Variants in ATP9B observed in about 807,000 individuals in gnomAD.
The protein encoded by ATP9B is ATPase phospholipid transporting 9B, also known as probable phospholipid-transporting ATPase IIB.
A neutral mutation model predicts 146.1 loss-of-function variants in ATP9B; 110 were observed. The ratio of observed to expected loss-of-function variants is 0.75; its 90% CI spans 0.65 to 0.88. ATP9B has a LOEUF of 0.88. ATP9B is among the 40% of genes least tolerant of loss of function. ATP9B has a pLI of 0.00. For synonymous variants in ATP9B, 604 were observed against 569.7 expected, an observed-to-expected ratio of 1.06 and a Z score of -0.86; for missense variants, 1,499 against 1,496.4, an observed-to-expected ratio of 1.00 and a Z score of -0.03.
chr18:79,272,047 G>A (rs2096261369), intron 12 of ATP9B, among the ~76,000 whole-genome samples: 1 of 152,214 alleles, frequency 6.6e-6, no homozygotes, highest in African/African-American at 2.4e-5. Context: ...CTTTTGAGAA[G>A]TGCTTGTTCA....
intron 5 of ATP9B, among the ~76,000 whole-genome samples, chr18:79,136,850 G>A (rs1378280275): frequency 6.6e-6 from 1 of 152,206 alleles, no homozygotes; most frequent in African/African-American, 2.4e-5. Flanking sequence ...TACAACCATG[G>A]AGGAAGGAGA....
chr18:79,151,439 G>A lies in ATP9B; in HGVS notation c.727-3065G>A, dbSNP rs577435280. ...TAGTGTGGTTTTTATCTGTTTTCCTGTCGATGGGTTTTTAGGTTACATCTA... is the reference window on the plus strand; with the variant it reads ...TAGTGTGGTTTTTATCTGTTTTCCTATCGATGGGTTTTTAGGTTACATCTA... On this transcript the variant is annotated intron_variant, in intron 6 of 29. Coordinates refer to ENST00000426216, the MANE Select transcript of ATP9B (RefSeq NM_198531.5). Among the ~76,000 whole-genome samples the A allele has an allele frequency of 2.0e-5, 3 of 152,222 alleles. No homozygotes were observed. The East Asian group carries it at 5.8e-4, about 29-fold the overall frequency.
At chr18:79,355,691 A>G (rs1432149525) in intron 25 of ATP9B, among the ~76,000 whole-genome samples, 1 of 152,356 alleles carries the variant, frequency 6.6e-6, no homozygotes, top group East Asian at 1.9e-4. Flanking sequence ...GAGAAGAGAC[A>G]GGGCAGGGCT....
At chr18:79,139,767 T>C (rs1438164232) in intron 5 of ATP9B, among the ~76,000 whole-genome samples, 2 of 152,194 alleles carry the variant, frequency 1.3e-5, no homozygotes, top group Non-Finnish European at 2.9e-5. Flanking sequence ...TATTGTCTTA[T>C]TCATTCTTTC....
intron 1 of ATP9B, among the ~76,000 whole-genome samples, chr18:79,093,580 A>T (rs983102530): frequency 6.6e-6 from 1 of 152,144 alleles, no homozygotes; most frequent in South Asian, 2.1e-4. Context: ...AATTACTTTC[A>T]GCAAATTTGG....
intron 19 of ATP9B, among the ~76,000 whole-genome samples, chr18:79,338,113 A>T (rs1482113273): frequency 6.6e-6 from 1 of 152,228 alleles, no homozygotes; most frequent in African/African-American, 2.4e-5. Context: ...GTTAGAGTTG[A>T]GAATATAGAA....
At chr18:79,152,611 G>T (rs2094707821) in intron 6 of ATP9B, among the ~76,000 whole-genome samples, 1 of 152,126 alleles carries the variant, frequency 6.6e-6, no homozygotes, top group Non-Finnish European at 1.5e-5. Flanking sequence ...TGTCATGTTT[G>T]ATGAATGACG....
intron 12 of ATP9B, among the ~76,000 whole-genome samples, chr18:79,259,732 C>T (rs1342339581): frequency 6.6e-6 from 1 of 152,218 alleles, no homozygotes; most frequent in Non-Finnish European, 1.5e-5. Context: ...TCAGGCAGCA[C>T]AGGCACAGCA....
intron 11 of ATP9B, among the ~76,000 whole-genome samples, chr18:79,249,926 A>T (rs1334563153): frequency 6.6e-6 from 1 of 152,352 alleles, no homozygotes; most frequent in East Asian, 1.9e-4. Flanking sequence ...AACAACAGTC[A>T]TAGTTCAGAA....
At chr18:79,217,502 T>C (rs2095638931) in intron 11 of ATP9B, among the ~76,000 whole-genome samples, 1 of 152,222 alleles carries the variant, frequency 6.6e-6, no homozygotes, top group Admixed American at 6.5e-5. Flanking sequence ...TATTTAAACA[T>C]CCAATTAAGA....
At position 79,161,716 on chromosome 18, in the gene ATP9B, GGC is replaced by G. The variant is rs138165505; in HGVS notation, c.778+7164_778+7165del. On this transcript the variant is annotated intron_variant, in intron 7 of 29. Transcript: ENST00000426216. ...CAAAAAATTTGCCGGCGTGGTGGCG[GGC>G]GCCTATAGTCCCAGGTACTTGGGAG... 6.4e-3 allele frequency among the ~76,000 whole-genome samples: 977 copies of G among 152,192 alleles called. 11 individuals carry two copies. Among genetic ancestry groups the G allele is most frequent in the African/African-American group, 0.023 (937 of 41,506 alleles).
intron 18 of ATP9B, 59 bp downstream of exon 18, chr18:79,336,770 T>G (rs1207324660): frequency 1.3e-6 from 2 of 1,525,836 alleles, no homozygotes; most frequent in South Asian, 1.2e-5. Context: ...ACGCTGAAAT[T>G]AGTTCTTCCT....
intron 8 of ATP9B, among the ~76,000 whole-genome samples, chr18:79,179,018 G>T (rs938935990): frequency 3.3e-5 from 5 of 152,300 alleles, no homozygotes; most frequent in Admixed American, 2.6e-4. Flanking sequence ...ACACTTGATT[G>T]TGAATTGAAT....
chr18:79,208,309 T>G (rs1350914666), intron 10 of ATP9B, among the ~76,000 whole-genome samples: 1 of 152,128 alleles, frequency 6.6e-6, no homozygotes, highest in Non-Finnish European at 1.5e-5. Context: ...GAAGAAACAT[T>G]TAACTTGGAT....
At chr18:79,161,874 A>T (rs1236476244) in intron 7 of ATP9B, among the ~76,000 whole-genome samples, 1 of 152,222 alleles carries the variant, frequency 6.6e-6, no homozygotes, top group East Asian at 1.9e-4. Context: ...TTGTTTTTTC[A>T]TGCTATTTTT....
intron 26 of ATP9B, chr18:79,372,325 T>G: frequency 3.6e-6 from 1 of 275,348 alleles, no homozygotes; most frequent in South Asian, 3.6e-5. Flanking sequence ...CATGGGGTTA[T>G]GTATGTGACA....
intron 10 of ATP9B, among the ~76,000 whole-genome samples, chr18:79,208,282 G>C (rs2095553981): frequency 6.6e-6 from 1 of 152,124 alleles, no homozygotes; most frequent in Non-Finnish European, 1.5e-5. Context: ...ACCAGGTCTA[G>C]GAGCAGCTTT....
intron 7 of ATP9B, among the ~76,000 whole-genome samples, chr18:79,167,980 A>C (rs1165892206): frequency 6.6e-6 from 1 of 152,220 alleles, no homozygotes; most frequent in Non-Finnish European, 1.5e-5. Flanking sequence ...GGAGAGGGCC[A>C]AGCCGGCAGA....
intron 7 of ATP9B, among the ~76,000 whole-genome samples, chr18:79,170,150 G>A (rs1307223581): frequency 6.6e-6 from 1 of 152,204 alleles, no homozygotes; most frequent in Non-Finnish European, 1.5e-5. Context: ...GTAGGGAGGA[G>A]CTGCAGCCGG....
Sources: allele counts gnomAD v4.1 joint callset (sites outside exome capture counted in the v4.1 genomes callset), GRCh38; gene constraint gnomAD v4.1.1; transcripts MANE v1.5; gene names NCBI Gene and HGNC (gene_info 2026-07-23, HGNC 2026-07-21).